Variants in CCDC7 observed in about 807,000 individuals in gnomAD.
CCDC7 encodes coiled-coil domain containing 7, also known as coiled-coil domain-containing protein 7.
A neutral mutation model predicts 196.9 loss-of-function variants in CCDC7; 183 were observed. The observed-to-expected ratio is 0.93, with a 90% CI of 0.82 to 1.05. The LOEUF (loss-of-function observed/expected upper bound fraction) is 1.05, where lower values mean the gene tolerates loss of function less well. CCDC7 is among the 50% of genes least tolerant of loss of function. CCDC7 has a pLI of 0.00. For missense variants in CCDC7, 1,540 were observed against 1,482.2 expected (o/e 1.04, Z -0.64); for synonymous variants, 525 against 484.6 (o/e 1.08, Z -1.10).
intron 13 of CCDC7, among the ~76,000 whole-genome samples, chr10:32,550,378 C>A (rs1225057601): frequency 1.3e-5 from 2 of 152,080 alleles, no homozygotes; most frequent in African/African-American, 2.4e-5. Flanking sequence ...TACTTCTTTA[C>A]TGATTTGGGT....
At chr10:32,646,040 C>G (rs932980715) in intron 20 of CCDC7, among the ~76,000 whole-genome samples, 3 of 148,816 alleles carry the variant, frequency 2.0e-5, no homozygotes, top group Middle Eastern at 3.3e-3. Flanking sequence ...TATTTCTGCT[C>G]TGATTTTATT....
chr10:32,679,975 A>T (rs1331514640), intron 21 of CCDC7, among the ~76,000 whole-genome samples: 1 of 152,224 alleles, frequency 6.6e-6, no homozygotes, highest in Non-Finnish European at 1.5e-5. Context: ...AGCTTCTATT[A>T]TGTTTACAAT....
chr10:32,739,958 A>G (rs1357622814), intron 28 of CCDC7, among the ~76,000 whole-genome samples: 1 of 151,974 alleles, frequency 6.6e-6, no homozygotes, highest in Non-Finnish European at 1.5e-5. Flanking sequence ...CAGGAGCCTG[A>G]TTAATGTGGT....
chr10:32,657,047 C>T (rs1258631945), intron 20 of CCDC7, among the ~76,000 whole-genome samples: 2 of 152,242 alleles, frequency 1.3e-5, no homozygotes, highest in Non-Finnish European at 2.9e-5. Context: ...TCATGTCTCA[C>T]ATCCAGGGCA....
chr10:32,717,071 G>A (rs1392063226), intron 25 of CCDC7, among the ~76,000 whole-genome samples: 3 of 152,174 alleles, frequency 2.0e-5, no homozygotes, highest in Admixed American at 6.5e-5. Context: ...CAAATCAACA[G>A]AATATACACT....
intron 28 of CCDC7, among the ~76,000 whole-genome samples, chr10:32,748,652 T>A (rs2075198268): frequency 6.6e-6 from 1 of 152,200 alleles, no homozygotes; most frequent in South Asian, 2.1e-4. Flanking sequence ...AATCTTTTGG[T>A]GATCCTGTGT....
chr10:32,756,718 C>T (rs1030431855), intron 28 of CCDC7, among the ~76,000 whole-genome samples: 2 of 152,314 alleles, frequency 1.3e-5, no homozygotes, highest in South Asian at 4.2e-4. Context: ...AACCAGCTAA[C>T]ATCATAATTA....
chr10:32,485,040 T>A lies in CCDC7; in HGVS notation c.797-6882T>A, dbSNP rs577517872. ...AATGAGTTAGGGAGCATTCCGTCTT[T>A]TTCTATTGATTGGAATAGTTTCAGA... On this transcript the variant is annotated intron_variant, in intron 8 of 41. Coordinates refer to ENST00000639629, the Ensembl canonical transcript of CCDC7. Among the ~76,000 whole-genome samples the A allele has an allele frequency of 1.3e-3, 200 of 152,354 alleles. 1 individual carries two copies. The highest frequency in any genetic ancestry group is 4.5e-3 in the African/African-American group (189 of 41,584).
At chr10:32,589,397 T>C (rs2990965) in intron 18 of CCDC7, among the ~76,000 whole-genome samples, 21,016 of 152,190 alleles carry the variant, frequency 0.14, 1,754 homozygotes, top group East Asian at 0.25. Flanking sequence ...TTCATTCATC[T>C]GTTGCTGGAC....
At chr10:32,545,929 G>A (rs1272576498) in intron 13 of CCDC7, among the ~76,000 whole-genome samples, 1 of 120,976 alleles carries the variant, frequency 8.3e-6, no homozygotes, top group African/African-American at 2.9e-5. Context: ...AAAAAAAAAA[G>A]ATGTAGCCTC....
At chr10:32,721,555 G>A (rs1271071636) in intron 25 of CCDC7, among the ~76,000 whole-genome samples, 1 of 152,098 alleles carries the variant, frequency 6.6e-6, no homozygotes, top group Non-Finnish European at 1.5e-5. Context: ...ATTTCTGCTT[G>A]TGTGATGTGA....
At chr10:32,601,154 C>G (rs2060957360) in intron 18 of CCDC7, among the ~76,000 whole-genome samples, 1 of 152,192 alleles carries the variant, frequency 6.6e-6, no homozygotes, top group Non-Finnish European at 1.5e-5. Flanking sequence ...CTCACTGCAA[C>G]CTCTGCCCCT....
chr10:32,580,562 T>C (rs1431615364), intron 16 of CCDC7, among the ~76,000 whole-genome samples: 2 of 152,162 alleles, frequency 1.3e-5, no homozygotes, highest in Non-Finnish European at 2.9e-5. Context: ...TTTAGAATCA[T>C]GTTAGTTTGT....
At chr10:32,855,734 G>A (rs1033914243) in intron 41 of CCDC7, among the ~76,000 whole-genome samples, 1 of 152,156 alleles carries the variant, frequency 6.6e-6, no homozygotes. Flanking sequence ...CACAGACCAG[G>A]AGTTGGAGAC....
chr10:32,702,795 T>A (rs912881917), intron 24 of CCDC7, among the ~76,000 whole-genome samples: 1 of 152,248 alleles, frequency 6.6e-6, no homozygotes, highest in African/African-American at 2.4e-5. Context: ...CTTTTGATCT[T>A]CATTGGTTTA....
At chr10:32,812,676 G>A (rs1177947919) in intron 30 of CCDC7, among the ~76,000 whole-genome samples, 1 of 152,046 alleles carries the variant, frequency 6.6e-6, no homozygotes, top group African/African-American at 2.4e-5. Flanking sequence ...GCAAAGGGAG[G>A]ATATTGTGAA....
chr10:32,847,820 T>G lies in CCDC7; in HGVS notation c.3689-13T>G. On this transcript the variant is annotated splice_polypyrimidine_tract_variant and intron_variant, in intron 37 of 41. Transcript: ENST00000639629. ...CCTTAAAAAGTGTTTTGAAATGTGTTTTATGTCTATAGAGACTGATGTAGA... is the reference window on the plus strand; with the variant it reads ...CCTTAAAAAGTGTTTTGAAATGTGTGTTATGTCTATAGAGACTGATGTAGA... The G allele has an allele frequency of 6.4e-7, 1 of 1,551,174 alleles. No homozygotes were observed. The highest frequency in any genetic ancestry group is 8.8e-7 in the Non-Finnish European group (1 of 1,139,788).
chr10:32,647,983 C>A (rs1042248116), intron 20 of CCDC7, among the ~76,000 whole-genome samples: 10 of 152,204 alleles, frequency 6.6e-5, no homozygotes, highest in Admixed American at 6.5e-4. Context: ...AATCTTTAAT[C>A]CATTTTGAGT....
chr10:32,602,852 T>C (rs1220586731), intron 18 of CCDC7, among the ~76,000 whole-genome samples: 1 of 152,194 alleles, frequency 6.6e-6, no homozygotes, highest in African/African-American at 2.4e-5. Flanking sequence ...TTGTACATAC[T>C]TATAGGCACA....
Sources: gnomAD v4.1 joint callset for allele counts (sites outside exome capture counted in the v4.1 genomes callset) on GRCh38, gnomAD v4.1.1 for gene constraint, MANE v1.5 for transcripts, NCBI Gene and HGNC (gene_info 2026-07-23, HGNC 2026-07-21) for gene names.